UGGT2: variants seen among roughly 807,000 people sequenced by gnomAD.
The protein encoded by UGGT2 is UDP-glucose glycoprotein glucosyltransferase 2.
In UGGT2, 180 loss-of-function variants were observed where a neutral mutation model predicts 192.1. The observed-to-expected ratio is 0.94, with a 90% CI of 0.83 to 1.06. The LOEUF is 1.06. Ranked by LOEUF, UGGT2 falls within the 50% of genes least tolerant of loss-of-function variation. The probability of loss-of-function intolerance (pLI) is 0.00; values close to 1 mark genes in which losing one functional copy is unlikely to be tolerated. For missense variants in UGGT2, 1,849 were observed against 1,795.7 expected, an observed-to-expected ratio of 1.03 and a Z score of -0.54; for synonymous variants, 580 against 591.0, an observed-to-expected ratio of 0.98 and a Z score of 0.27.
chr13:95,891,810 A>C (rs1404335797), intron 24 of UGGT2, among the ~76,000 whole-genome samples: 2 of 152,178 alleles, frequency 1.3e-5, no homozygotes, highest in African/African-American at 4.8e-5. Flanking sequence ...CTTTGGTAGG[A>C]AAAGGCTTCT....
chr13:95,911,422 A>C (rs2048493386), intron 20 of UGGT2, among the ~76,000 whole-genome samples: 4 of 152,218 alleles, frequency 2.6e-5, no homozygotes, highest in Admixed American at 2.0e-4. Context: ...GATCCCACAG[A>C]AATACAAACT....
chr13:95,990,850 T>C (rs150110836), intron 7 of UGGT2: 10,188 of 152,260 alleles, frequency 0.067, 675 homozygotes, highest in African/African-American at 0.16. Flanking sequence ...CATTAGGTAT[T>C]TCTCCTAATG....
intron 12 of UGGT2, among the ~76,000 whole-genome samples, chr13:95,952,408 TA>T (rs1460492277): frequency 1.3e-5 from 2 of 152,138 alleles, no homozygotes; most frequent in East Asian, 3.9e-4. Flanking sequence ...TGCAAGTCTC[TA>T]ACATAAAATG....
chr13:95,928,959 G>A (rs773546075), intron 17 of UGGT2, among the ~76,000 whole-genome samples: 7 of 152,186 alleles, frequency 4.6e-5, no homozygotes, highest in South Asian at 2.1e-4. Flanking sequence ...TCGGGAGGCC[G>A]GGGCTGGCAG....
At chr13:95,868,118 T>C (rs1210127499) in intron 29 of UGGT2, among the ~76,000 whole-genome samples, 1 of 152,246 alleles carries the variant, frequency 6.6e-6, no homozygotes, top group Non-Finnish European at 1.5e-5. Flanking sequence ...GATGTCAAAT[T>C]AGTATAGTTA....
intron 12 of UGGT2, among the ~76,000 whole-genome samples, chr13:95,966,505 A>G (rs2050584154): frequency 6.6e-6 from 1 of 152,320 alleles, no homozygotes; most frequent in South Asian, 2.1e-4. Context: ...TAGGGTGACT[A>G]TAGTTAGCAG....
intron 1 of UGGT2, among the ~76,000 whole-genome samples, chr13:96,044,141 A>G (rs1022847273): frequency 1.3e-5 from 2 of 152,242 alleles, no homozygotes; most frequent in African/African-American, 4.8e-5. Context: ...AATAAATTTA[A>G]GAAAACTGAC....
At chr13:95,850,079 T>TC (rs1411369386) in intron 36 of UGGT2, among the ~76,000 whole-genome samples, 1 of 152,108 alleles carries the variant, frequency 6.6e-6, no homozygotes, top group Non-Finnish European at 1.5e-5. Flanking sequence ...ACTGTTTTTT[T>TC]CCCCTAGTTT....
At chr13:95,985,375 C>G in intron 9 of UGGT2, 1 of 891,340 alleles carries the variant, frequency 1.1e-6, no homozygotes, top group Non-Finnish European at 1.5e-6. Flanking sequence ...TTTCAAGGTA[C>G]CACCAAAAAA....
intron 5 of UGGT2, 58 bp downstream of exon 5, chr13:96,013,249 T>C: frequency 6.8e-7 from 1 of 1,467,070 alleles, no homozygotes; most frequent in Non-Finnish European, 9.1e-7. Context: ...AAGACGATTA[T>C]CATAATAATT....
At chr13:95,963,531 A>C (rs1457717810) in intron 12 of UGGT2, among the ~76,000 whole-genome samples, 1 of 152,200 alleles carries the variant, frequency 6.6e-6, no homozygotes, top group African/African-American at 2.4e-5. Context: ...GTGGTACTGG[A>C]AGTCCTAACC....
Position 95,939,965 on chromosome 13 carries a change from C to G in UGGT2, c.1804G>C (p.Glu602Gln), listed in dbSNP as rs375009300. The change falls in exon 16 of 39, where the codon GAA (glutamate) becomes CAA (glutamine). Residue 602 changes from glutamate (E) to glutamine (Q), a missense_variant. Glu to Gln is a conservative substitution (Grantham distance 29). Transcript: ENST00000376747. ...ILGIHSKYDE[E>Q]RKAGASFYKM... ...ATAATGTCCCAACTTACCTTTCTTTCTTCATCATATTTAGAATGAATTCCC... is the reference window on the plus strand; with the variant it reads ...ATAATGTCCCAACTTACCTTTCTTTGTTCATCATATTTAGAATGAATTCCC... The G allele has an allele frequency of 6.3e-7, 1 of 1,596,708 alleles. No homozygotes were observed. The highest frequency in any genetic ancestry group is 1.1e-5 in the South Asian group (1 of 87,718).
At chr13:95,914,441 T>G (rs929858501) in intron 20 of UGGT2, among the ~76,000 whole-genome samples, 3 of 151,682 alleles carry the variant, frequency 2.0e-5, no homozygotes, top group Non-Finnish European at 2.9e-5. Context: ...TGTTTTGACT[T>G]CAGTATGTTT....
Position 95,910,800 on chromosome 13 carries a change from G to A in UGGT2, c.2296-7740C>T, listed in dbSNP as rs141809650. Among the ~76,000 whole-genome samples, 815 of 152,084 alleles carry A rather than the reference G, an allele frequency of 5.4e-3. 10 individuals are homozygous for A. Among genetic ancestry groups the A allele is most frequent in the African/African-American group, 0.017 (695 of 41,492 alleles). On this transcript the variant is annotated intron_variant, in intron 20 of 38. Transcript: ENST00000376747. Reference sequence around the variant, plus strand: ...CAGAATATACATTCTTTGGAGCACCGCATTGCACCTATTCTAAAATCGACT... The same window carrying A: ...CAGAATATACATTCTTTGGAGCACCACATTGCACCTATTCTAAAATCGACT...
chr13:95,937,168 A>T (rs2140512038), intron 16 of UGGT2, 80 bp from the exon 17 acceptor site: 1 of 1,411,180 alleles, frequency 7.1e-7, no homozygotes, highest in African/African-American at 1.5e-5. Context: ...GAACACCGCC[A>T]CATTTTTATA....
chr13:95,983,978 G>A, intron 9 of UGGT2, 114 bp from the exon 10 acceptor site: 1 of 616,826 alleles, frequency 1.6e-6, no homozygotes, highest in Non-Finnish European at 2.5e-6. Flanking sequence ...CAAATCCTTT[G>A]TGACTGAAAA....
At chr13:95,855,720 G>A (rs2140049501) in intron 34 of UGGT2, among the ~76,000 whole-genome samples, 1 of 152,192 alleles carries the variant, frequency 6.6e-6, no homozygotes, top group East Asian at 1.9e-4. Context: ...AGAGTGATGA[G>A]AATTTGGTTA....
chr13:95,937,535 T>A (rs2049505891), intron 16 of UGGT2, among the ~76,000 whole-genome samples: 1 of 152,200 alleles, frequency 6.6e-6, no homozygotes, highest in Admixed American at 6.5e-5. Context: ...ATTTATATGT[T>A]CAATAAACAC....
chr13:95,814,036 A>G (rs1039422106), intron 38 of UGGT2, among the ~76,000 whole-genome samples: 2 of 152,226 alleles, frequency 1.3e-5, no homozygotes, highest in African/African-American at 4.8e-5. Flanking sequence ...CAGAGAATGT[A>G]TTAAAAAAAG....
Sources: gnomAD v4.1 joint callset for allele counts (sites outside exome capture counted in the v4.1 genomes callset) on GRCh38, gnomAD v4.1.1 for gene constraint, MANE v1.5 for transcripts, NCBI Gene and HGNC (gene_info 2026-07-23, HGNC 2026-07-21) for gene names.